The following NR1H4 variants were observed in gnomAD, a reference collection of about 807,000 sequenced individuals.
The protein encoded by NR1H4 is nuclear receptor subfamily 1 group H member 4, also known as bile acid receptor.
A neutral mutation model predicts 58.5 loss-of-function variants in NR1H4; 23 were observed. That is an observed-to-expected ratio of 0.39 (90% confidence interval 0.28 to 0.56). NR1H4 has a LOEUF of 0.56. Ranked by LOEUF, NR1H4 falls within the 20% of genes least tolerant of loss-of-function variation. The probability of loss-of-function intolerance (pLI) is 0.58; values close to 1 mark genes in which losing one functional copy is unlikely to be tolerated. For synonymous variants in NR1H4, 214 were observed against 198.0 expected (o/e 1.08, Z -0.68); for missense variants, 487 against 576.9 (o/e 0.84, Z 1.60).
intron 9 of NR1H4, among the ~76,000 whole-genome samples, chr12:100,552,486 C>A (rs1351225426): frequency 1.3e-5 from 2 of 152,142 alleles, no homozygotes; most frequent in Non-Finnish European, 2.9e-5. Flanking sequence ...TAATGGCATC[C>A]CTTGTCCCCA....
intron 9 of NR1H4, among the ~76,000 whole-genome samples, chr12:100,558,412 G>T (rs116925747): frequency 0.016 from 2,446 of 150,186 alleles, 40 homozygotes; most frequent in Non-Finnish European, 0.024. Flanking sequence ...AGACTGGAGT[G>T]CAGTAGCACA....
In NR1H4 at chr12:100,540,798, A is replaced by C. The variant is rs1954917377; in HGVS notation, c.1058A>C (p.Glu353Ala). Reference protein sequence around the residue: ...KLPSGHSDLLEERIRNSGISD... With the variant: ...KLPSGHSDLLAERIRNSGISD... ...CCGTCTGGGCATTCTGACCTATTGG[A>C]AGAAAGAATTCGAAATAGTGGTAAG... Residue 353 changes from glutamate (E) to alanine (A), a missense_variant, in exon 9 of 11, where the codon GAA becomes GCA. Transcript: ENST00000392986. 1.9e-6 allele frequency: 3 copies of C among 1,614,170 alleles called. No homozygotes were observed. Among genetic ancestry groups the C allele is most frequent in the Middle Eastern group, 3.3e-4 (2 of 6,062 alleles).
At chr12:100,544,716 C>T (rs998537926) in intron 9 of NR1H4, among the ~76,000 whole-genome samples, 5 of 151,992 alleles carry the variant, frequency 3.3e-5, no homozygotes, top group Admixed American at 2.6e-4. Context: ...AAGGTTTGTC[C>T]GGAGCTATAA....
At chr12:100,561,316 G>A (rs1434705777) in intron 9 of NR1H4, among the ~76,000 whole-genome samples, 1 of 152,076 alleles carries the variant, frequency 6.6e-6, no homozygotes, top group African/African-American at 2.4e-5. Flanking sequence ...GAGAATGGCG[G>A]GAACCCGGGA....
At chr12:100,556,483 A>G (rs539440676) in intron 9 of NR1H4, among the ~76,000 whole-genome samples, 1 of 150,988 alleles carries the variant, frequency 6.6e-6, no homozygotes, top group Non-Finnish European at 1.5e-5. Flanking sequence ...AAAAAAAAAC[A>G]AAAAACAAAA....
intron 3 of NR1H4, 141 bp from the exon 4 acceptor site, chr12:100,510,637 T>G (rs1954085418): frequency 2.2e-6 from 1 of 447,546 alleles, no homozygotes; most frequent in Non-Finnish European, 4.0e-6. Flanking sequence ...ATATATATAC[T>G]CTAAAGAAGT....
intron 4 of NR1H4, among the ~76,000 whole-genome samples, chr12:100,516,416 CT>C (rs1266169978): frequency 1.3e-5 from 2 of 151,822 alleles, no homozygotes; most frequent in African/African-American, 2.4e-5. Flanking sequence ...GTCACCCAGG[CT>C]GGAGTGCAGT....
intron 4 of NR1H4, among the ~76,000 whole-genome samples, chr12:100,514,137 T>C (rs1169116297): frequency 6.6e-6 from 1 of 152,066 alleles, no homozygotes; most frequent in Admixed American, 6.5e-5. Flanking sequence ...GTCCCAACAA[T>C]GAGATTGGCT....
intron 3 of NR1H4, among the ~76,000 whole-genome samples, chr12:100,497,776 G>C (rs1165446984): frequency 6.6e-6 from 1 of 152,182 alleles, no homozygotes; most frequent in Non-Finnish European, 1.5e-5. Flanking sequence ...TAATGACAAA[G>C]TCCACAGCTC....
chr12:100,520,971 A>G (rs1307306971), intron 4 of NR1H4, among the ~76,000 whole-genome samples: 3 of 152,162 alleles, frequency 2.0e-5, no homozygotes, highest in Admixed American at 6.5e-5. Flanking sequence ...AAATAGGGAT[A>G]TTATCTATTT....
intron 1 of NR1H4, among the ~76,000 whole-genome samples, chr12:100,488,892 T>G (rs540418622): frequency 6.6e-6 from 1 of 152,226 alleles, no homozygotes; most frequent in Non-Finnish European, 1.5e-5. Flanking sequence ...AAAAGTGTGT[T>G]GAAGGAGCAT....
chr12:100,500,340 C>T (rs1162431670), intron 3 of NR1H4, among the ~76,000 whole-genome samples: 2 of 152,078 alleles, frequency 1.3e-5, no homozygotes, highest in Admixed American at 1.3e-4. Context: ...TAGCTGATGC[C>T]CCACTCAGCG....
At chr12:100,531,916 G>T (rs1172153196) in intron 4 of NR1H4, among the ~76,000 whole-genome samples, 2 of 152,140 alleles carry the variant, frequency 1.3e-5, no homozygotes, top group South Asian at 2.1e-4. Context: ...CTGAATGCCT[G>T]GTTAACAGCA....
chr12:100,509,761 TAC>T (rs1331305663), intron 3 of NR1H4, among the ~76,000 whole-genome samples: 1 of 152,192 alleles, frequency 6.6e-6, no homozygotes, highest in Non-Finnish European at 1.5e-5. Context: ...AAATAACACA[TAC>T]ATATACACAT....
chr12:100,541,470 CAG>C (rs1470507381), intron 9 of NR1H4, among the ~76,000 whole-genome samples: 1 of 151,884 alleles, frequency 6.6e-6, no homozygotes, highest in African/African-American at 2.4e-5. Context: ...TTAGTAGAGA[CAG>C]AGTTTCTCCA....
chr12:100,483,271 G>A (rs1645815946), intron 1 of NR1H4, among the ~76,000 whole-genome samples: 1 of 152,000 alleles, frequency 6.6e-6, no homozygotes, highest in Non-Finnish European at 1.5e-5. Context: ...CTGCTAATGG[G>A]CACAAACAAA....
chr12:100,490,045 C>A (rs750925167), intron 1 of NR1H4, among the ~76,000 whole-genome samples: 1 of 152,092 alleles, frequency 6.6e-6, no homozygotes, highest in Admixed American at 6.6e-5. Flanking sequence ...TAAATTATGT[C>A]CTAAGCTTTT....
intron 3 of NR1H4, among the ~76,000 whole-genome samples, chr12:100,494,546 C>T (rs774129897): frequency 7.2e-5 from 11 of 152,300 alleles, no homozygotes; most frequent in Non-Finnish European, 1.2e-4. Context: ...AGACCAAAGG[C>T]GGCAGTAATT....
chr12:100,523,867 C>T (rs1054082340), intron 4 of NR1H4, among the ~76,000 whole-genome samples: 4 of 152,102 alleles, frequency 2.6e-5, no homozygotes, highest in Non-Finnish European at 4.4e-5. Context: ...CAAATTCTTG[C>T]CTTCATAGTC....
Sources: allele counts gnomAD v4.1 joint callset (sites outside exome capture counted in the v4.1 genomes callset), GRCh38; gene constraint gnomAD v4.1.1; transcripts MANE v1.5; gene names NCBI Gene and HGNC (gene_info 2026-07-23, HGNC 2026-07-21).